ERC1: variants seen among roughly 807,000 people sequenced by gnomAD.
ERC1 encodes the protein RAB6 interacting protein 2.
A neutral mutation model predicts 132.0 loss-of-function variants in ERC1; 56 were observed. That is an observed-to-expected ratio of 0.42 (90% confidence interval 0.34 to 0.53). The LOEUF (loss-of-function observed/expected upper bound fraction) is 0.53. ERC1 is among the 20% of genes least tolerant of loss of function. The pLI, the probability that ERC1 is intolerant of heterozygous loss-of-function variation, is 0.03. For missense variants in ERC1, 1,202 were observed against 1,349.9 expected (o/e 0.89, Z 1.72); for synonymous variants, 478 against 476.1 (o/e 1.00, Z -0.05).
intron 15 of ERC1, among the ~76,000 whole-genome samples, chr12:1,301,558 C>T (rs188829756): frequency 3.9e-5 from 6 of 152,148 alleles, no homozygotes; most frequent in African/African-American, 4.8e-5. Context: ...AGCAAACTAA[C>T]GCAGGAACAG....
At position 1,027,851 on chromosome 12, in the gene ERC1, T is replaced by TTTG. The variant is rs143595866; in HGVS notation, c.-37_-35dup. ...AGAGACACCTCACAAGGTTCCCATT[T>TTTG]TTGTTGTTGTTGTTGTTGATTTTCT... is the stretch of plus-strand genomic sequence containing the variant. On this transcript the variant is annotated 5_prime_UTR_variant, in exon 2 of 19. Transcript: ENST00000360905. 79 of 1,467,226 alleles carry TTTG rather than the reference T, an allele frequency of 5.4e-5. No homozygotes were observed. Among genetic ancestry groups the TTTG allele is most frequent in the Middle Eastern group, 1.8e-4 (1 of 5,604 alleles). The allele number at this position is 1,467,226 out of a possible 1,614,324, so 90.9% of individuals were successfully genotyped here. A position where few individuals can be genotyped will look rare whatever the true frequency, so the allele number is the denominator to read the frequency against.
chr12:1,377,745 G>C (rs1209808175), intron 16 of ERC1, among the ~76,000 whole-genome samples: 2 of 152,114 alleles, frequency 1.3e-5, no homozygotes, highest in Non-Finnish European at 2.9e-5. Flanking sequence ...TAGAAGCATG[G>C]TGTACTAATT....
intron 2 of ERC1, among the ~76,000 whole-genome samples, chr12:1,080,752 C>T (rs1002159214): frequency 3.9e-5 from 6 of 152,122 alleles, no homozygotes; most frequent in Admixed American, 6.5e-5. Context: ...CTGAGGCTTC[C>T]TCAGCCATGT....
chr12:1,209,248 C>T (rs973731197), intron 12 of ERC1, among the ~76,000 whole-genome samples: 8 of 152,016 alleles, frequency 5.3e-5, no homozygotes, highest in East Asian at 1.9e-4. Flanking sequence ...GGATTACAGG[C>T]GTGATAAACT....
At chr12:1,206,592 T>C (rs1047641256) in intron 12 of ERC1, among the ~76,000 whole-genome samples, 6 of 152,138 alleles carry the variant, frequency 3.9e-5, no homozygotes, top group Non-Finnish European at 8.8e-5. Flanking sequence ...TCTTCAGACA[T>C]ACACATCTTT....
intron 2 of ERC1, among the ~76,000 whole-genome samples, chr12:1,041,107 TAAAA>T (rs1226582186): frequency 6.6e-6 from 1 of 151,854 alleles, no homozygotes; most frequent in Admixed American, 6.6e-5. Flanking sequence ...GATACTAAAA[TAAAA>T]AAATAATATT....
At chr12:1,293,697 G>T (rs1305761081) in intron 15 of ERC1, among the ~76,000 whole-genome samples, 6 of 152,052 alleles carry the variant, frequency 3.9e-5, no homozygotes, top group Non-Finnish European at 8.8e-5. Context: ...TTATGACATG[G>T]TGTTCCAAAT....
At chr12:1,061,945 T>G (rs2154175913) in intron 2 of ERC1, among the ~76,000 whole-genome samples, 1 of 151,922 alleles carries the variant, frequency 6.6e-6, no homozygotes, top group East Asian at 1.9e-4. Flanking sequence ...TTTTGCTGTT[T>G]CCCAGAGGTT....
intron 1 of ERC1, among the ~76,000 whole-genome samples, chr12:1,021,304 TC>T (rs1364875877): frequency 6.6e-6 from 1 of 152,128 alleles, no homozygotes; most frequent in Non-Finnish European, 1.5e-5. Context: ...CCTTGACTGT[TC>T]CTAGGCCAGG....
chr12:1,003,782 C>T (rs967065934), intron 1 of ERC1, among the ~76,000 whole-genome samples: 1 of 152,156 alleles, frequency 6.6e-6, no homozygotes, highest in Admixed American at 6.6e-5. Flanking sequence ...GTTACATAGT[C>T]GGCAGAAAGA....
intron 15 of ERC1, among the ~76,000 whole-genome samples, chr12:1,371,367 A>G (rs1335017818): frequency 6.6e-6 from 1 of 152,226 alleles, no homozygotes; most frequent in African/African-American, 2.4e-5. Context: ...GATAAAGACA[A>G]TTTAGAGTCA....
In ERC1 at chr12:1,400,908, A is replaced by ATTTTTT. The variant is rs2090967822; in HGVS notation, c.2926-7236_2926-7235insTTTTTT. On this transcript the variant is annotated intron_variant, in intron 16 of 18. Transcript: ENST00000360905. ...CTTCTCATTCAATATTGTTTTGGCT[A>ATTTTTT]TTTTTGTATTTTTTTTTTTTTTTTT... is the stretch of plus-strand genomic sequence containing the variant. Among the ~76,000 whole-genome samples, 12 of 43,406 alleles carry ATTTTTT rather than the reference A, an allele frequency of 2.8e-4. 2 individuals are homozygous for ATTTTTT. Among genetic ancestry groups the ATTTTTT allele is most frequent in the Non-Finnish European group, 4.5e-4 (8 of 17,694 alleles). The allele number at this position is 43,406 out of a possible 152,430, so 28.5% of individuals were successfully genotyped here.
intron 12 of ERC1, among the ~76,000 whole-genome samples, chr12:1,207,553 G>A (rs1480010601): frequency 2.0e-5 from 3 of 152,186 alleles, no homozygotes; most frequent in Non-Finnish European, 2.9e-5. Context: ...GCACAAGCAA[G>A]TGTAACATCT....
At chr12:1,178,972 A>G (rs1320100460) in intron 8 of ERC1, among the ~76,000 whole-genome samples, 5 of 152,148 alleles carry the variant, frequency 3.3e-5, no homozygotes, top group Admixed American at 3.3e-4. Context: ...GAATGAATAA[A>G]CTTTGTGAGT....
chr12:1,383,477 A>G lies in ERC1; in HGVS notation c.2925+11500A>G, dbSNP rs571273019. On this transcript the variant is annotated intron_variant, in intron 16 of 18. Transcript: ENST00000360905. ...CTAATGTAGATACTCATTAAAAGCA[A>G]ATGTGAATTAGACAAGTGTGGTGGC... Among the ~76,000 whole-genome samples, 5 of 152,148 alleles carry G rather than the reference A, an allele frequency of 3.3e-5. No homozygotes were observed. The East Asian group carries it at 9.6e-4, about 29-fold the overall frequency.
chr12:1,359,192 G>A (rs2085834326), intron 15 of ERC1, among the ~76,000 whole-genome samples: 1 of 152,144 alleles, frequency 6.6e-6, no homozygotes, highest in African/African-American at 2.4e-5. Context: ...ATCAGTAATT[G>A]TAGCATGGTG....
intron 8 of ERC1, among the ~76,000 whole-genome samples, chr12:1,175,824 T>G (rs1010142608): frequency 1.3e-4 from 20 of 152,336 alleles, no homozygotes; most frequent in African/African-American, 4.8e-4. Flanking sequence ...TGTGAGCCAC[T>G]GCGCCTGGCC....
chr12:1,223,834 A>G (rs1033287918), intron 12 of ERC1, among the ~76,000 whole-genome samples: 6 of 152,188 alleles, frequency 3.9e-5, no homozygotes, highest in Non-Finnish European at 7.3e-5. Context: ...TATGTTCACT[A>G]TGAATTAAAT....
At chr12:1,104,426 A>G (rs1945021199) in intron 3 of ERC1, among the ~76,000 whole-genome samples, 1 of 152,148 alleles carries the variant, frequency 6.6e-6, no homozygotes, top group African/African-American at 2.4e-5. Flanking sequence ...TTCTGATTAT[A>G]TTTCCCGGAG....
Sources: allele counts gnomAD v4.1 joint callset (sites outside exome capture counted in the v4.1 genomes callset), GRCh38; gene constraint gnomAD v4.1.1; transcripts MANE v1.5; gene names NCBI Gene and HGNC (gene_info 2026-07-23, HGNC 2026-07-21).